Variants in CUX2 observed in about 807,000 individuals in gnomAD.
The protein encoded by CUX2 is cut like homeobox 2.
Under a neutral mutation model 144.8 loss-of-function variants are expected in CUX2, and 40 were observed. The ratio of observed to expected loss-of-function variants is 0.28; its 90% CI spans 0.21 to 0.36. The LOEUF (loss-of-function observed/expected upper bound fraction) is 0.36. Among genes scored for constraint, CUX2 ranks in the 10% least tolerant of loss-of-function variants. The pLI is 1.00. For synonymous variants in CUX2, 827 were observed against 875.6 expected (o/e 0.94, Z 0.98); for missense variants, 1,615 against 1,994.0 (o/e 0.81, Z 3.62).
chr12:111,330,722 T>TATACAC (rs1565926248), intron 18 of CUX2, among the ~76,000 whole-genome samples: 2 of 51,578 alleles, frequency 3.9e-5, no homozygotes, highest in African/African-American at 2.1e-4. Context: ...TATATATATA[T>TATACAC]ATATATATAT....
chr12:111,080,549 T>G (rs1871830016), intron 1 of CUX2, among the ~76,000 whole-genome samples: 1 of 151,208 alleles, frequency 6.6e-6, no homozygotes, highest in African/African-American at 2.4e-5. Flanking sequence ...CATGGTGCTA[T>G]GCACTCATAG....
chr12:111,104,342 C>T lies in CUX2; in HGVS notation c.63+70102C>T, dbSNP rs570246351. On this transcript the variant is annotated intron_variant, in intron 1 of 21. Coordinates refer to ENST00000261726, the MANE Select transcript of CUX2 (RefSeq NM_015267.4). The stretch of plus-strand genomic sequence containing the variant: ...TTTGGGGCGTTAAGAAGGATTTAAT[C>T]GAGAAGCCAAATCTCAGGATGGCTC... 3.3e-5 allele frequency among the ~76,000 whole-genome samples: 5 copies of T among 152,232 alleles called. No individual in the cohort carries two copies. In the East Asian group the frequency reaches 5.8e-4, roughly 18 times the overall value.
intron 1 of CUX2, among the ~76,000 whole-genome samples, chr12:111,166,414 G>A (rs1175965617): frequency 1.3e-5 from 2 of 152,204 alleles, no homozygotes; most frequent in Non-Finnish European, 2.9e-5. Flanking sequence ...AGTTAGCTGA[G>A]TTCTGAGTAG....
At chr12:111,284,228 G>A (rs1198504721) in intron 4 of CUX2, among the ~76,000 whole-genome samples, 2 of 152,276 alleles carry the variant, frequency 1.3e-5, no homozygotes, top group African/African-American at 4.8e-5. Flanking sequence ...GACACCTAAT[G>A]TTGAGTGCAT....
chr12:111,260,734 T>G (rs1286277263), intron 3 of CUX2, among the ~76,000 whole-genome samples: 2 of 152,114 alleles, frequency 1.3e-5, no homozygotes, highest in South Asian at 4.1e-4. Flanking sequence ...ATAAGTGCCA[T>G]GAAGGGAAAG....
At chr12:111,098,500 C>G (rs1338382984) in intron 1 of CUX2, among the ~76,000 whole-genome samples, 2 of 152,156 alleles carry the variant, frequency 1.3e-5, no homozygotes, top group Non-Finnish European at 2.9e-5. Context: ...CAACGAGGGA[C>G]CTTTCAAAGT....
intron 1 of CUX2, among the ~76,000 whole-genome samples, chr12:111,069,539 T>C (rs1022721378): frequency 5.3e-5 from 8 of 151,508 alleles, no homozygotes; most frequent in African/African-American, 1.7e-4. Context: ...TGTGTGTGTG[T>C]GTGTGTGTGT....
At position 111,347,951 on chromosome 12, in the gene CUX2, C is replaced by G. The variant is rs767072211; in HGVS notation, c.4087C>G (p.Pro1363Ala). The G allele has an allele frequency of 1.2e-6, 2 of 1,614,044 alleles. No homozygotes were observed. The highest frequency in any genetic ancestry group is 2.7e-5 in the African/African-American group (2 of 74,902). The change falls in exon 22 of 22, where the codon CCC becomes GCC. Residue 1363 changes from proline to alanine, a missense_variant. By Grantham distance (27) the Pro-to-Ala change is conservative. Coordinates refer to ENST00000261726, the MANE Select transcript of CUX2 (RefSeq NM_015267.4). Reference sequence around the variant, plus strand: ...CACCCCAGACTGTCCCTCACTTCATCCCCAACAGGAGAGTGAGGCCGGGGA... The same window carrying G: ...CACCCCAGACTGTCCCTCACTTCATGCCCAACAGGAGAGTGAGGCCGGGGA... ...GSTPDCPSLH[P>A]QQESEAGERL... is the part of the protein sequence containing the mutation.
In CUX2 at chr12:111,347,952, C is replaced by T; in HGVS notation, c.4088C>T (p.Pro1363Leu). The change falls in exon 22 of 22, where the codon CCC becomes CTC. Residue 1363 changes from proline (P) to leucine (L), a missense_variant. Transcript: ENST00000261726. ...ACCCCAGACTGTCCCTCACTTCATC[C>T]CCAACAGGAGAGTGAGGCCGGGGAG... ...GSTPDCPSLH[P>L]QQESEAGERL... The T allele has an allele frequency of 6.2e-7, 1 of 1,614,162 alleles. No homozygotes were observed. Among genetic ancestry groups the T allele is most frequent in the Non-Finnish European group, 8.5e-7 (1 of 1,180,036 alleles).
intron 1 of CUX2, among the ~76,000 whole-genome samples, chr12:111,121,357 CTTTTCTT>C (rs1566235492): frequency 9.8e-5 from 11 of 112,546 alleles, no homozygotes; most frequent in Non-Finnish European, 9.5e-5. Context: ...TTTTTGTTTT[CTTTTCTT>C]TTTTCTTTTT....
At chr12:111,166,531 A>T (rs1437123373) in intron 1 of CUX2, among the ~76,000 whole-genome samples, 1 of 152,196 alleles carries the variant, frequency 6.6e-6, no homozygotes, top group Non-Finnish European at 1.5e-5. Flanking sequence ...TAACCCACCC[A>T]ACAACTCTAT....
chr12:111,320,163 C>T lies in CUX2; in HGVS notation c.2154C>T (p.Pro718=), dbSNP rs778216024. ...QQALLEMEVA[P]RGRSVPPSPP... ...CGCTGCTGGAGATGGAGGTGGCGCC[C>T]AGGGGCCGCTCGGTGCCCCCCTCGC... The change falls in exon 17 of 22, where the codon CCC becomes CCT. Residue 718 remains proline (P), a synonymous_variant. Transcript: ENST00000261726. This position sits in a 1 kb window ranked among gnomAD's most constrained non-coding sequence, Gnocchi z 8.1. The T allele has an allele frequency of 1.3e-6, 2 of 1,542,192 alleles. No individual in the cohort carries two copies. Among genetic ancestry groups the T allele is most frequent in the Admixed American group, 2.0e-5 (1 of 50,368 alleles).
intron 8 of CUX2, among the ~76,000 whole-genome samples, chr12:111,298,230 G>A (rs1251495047): frequency 6.6e-6 from 1 of 152,220 alleles, no homozygotes; most frequent in East Asian, 1.9e-4. Context: ...TGTGATCAGG[G>A]TTTTAAAGCC....
intron 10 of CUX2, among the ~76,000 whole-genome samples, 182 bp from the exon 11 acceptor site, chr12:111,306,739 C>G (rs1302792318): frequency 2.6e-5 from 4 of 152,224 alleles, no homozygotes; most frequent in Middle Eastern, 3.4e-3. Context: ...TAACTTAATA[C>G]ATAAGGAAAA....
chr12:111,298,538 C>A lies in CUX2; in HGVS notation c.705-3C>A. 1 of 1,576,872 alleles carries A rather than the reference C, an allele frequency of 6.3e-7. No homozygotes were observed. Among genetic ancestry groups the A allele is most frequent in the Non-Finnish European group, 8.6e-7 (1 of 1,160,734 alleles). On this transcript the variant is annotated splice_region_variant and splice_polypyrimidine_tract_variant and intron_variant, in intron 8 of 21. Coordinates refer to ENST00000261726, the MANE Select transcript of CUX2 (RefSeq NM_015267.4). Reference sequence around the variant, plus strand: ...TCCTCAGGGCCTCATCTTTGTGTCTCAGGGCAGATGAAGTCGGCCTGATCA... The same window carrying A: ...TCCTCAGGGCCTCATCTTTGTGTCTAAGGGCAGATGAAGTCGGCCTGATCA...
intron 1 of CUX2, among the ~76,000 whole-genome samples, chr12:111,168,534 G>A (rs1878302665): frequency 6.6e-6 from 1 of 152,216 alleles, no homozygotes; most frequent in African/African-American, 2.4e-5. Context: ...GGTGGCCCAT[G>A]TGGCTCAGCA....
intron 1 of CUX2, among the ~76,000 whole-genome samples, chr12:111,128,284 C>A (rs1056411565): frequency 1.3e-5 from 2 of 152,180 alleles, no homozygotes; most frequent in Non-Finnish European, 2.9e-5. Context: ...TTCCCTTCAC[C>A]GCAGTCCTTC....
chr12:111,069,686 G>T (rs1178276130), intron 1 of CUX2, among the ~76,000 whole-genome samples: 1 of 152,038 alleles, frequency 6.6e-6, no homozygotes, highest in Admixed American at 6.6e-5. Flanking sequence ...TCTTCACATG[G>T]TCATACCCTG....
chr12:111,260,725 T>C (rs1218503733), intron 3 of CUX2, among the ~76,000 whole-genome samples: 4 of 152,108 alleles, frequency 2.6e-5, no homozygotes, highest in Non-Finnish European at 5.9e-5. Flanking sequence ...TATACACTGA[T>C]AAGTGCCATG....
Sources: gnomAD v4.1 joint callset for allele counts (sites outside exome capture counted in the v4.1 genomes callset) on GRCh38, gnomAD v4.1.1 for gene constraint, Gnocchi (gnomAD v3.1) non-coding constraint, MANE v1.5 for transcripts, NCBI Gene and HGNC (gene_info 2026-07-23, HGNC 2026-07-21) for gene names.